CAMTA1: variants seen among roughly 807,000 people sequenced by gnomAD.
CAMTA1 encodes calmodulin binding transcription activator 1.
A neutral mutation model predicts 170.9 loss-of-function variants in CAMTA1; 27 were observed. The ratio of observed to expected loss-of-function variants is 0.16; its 90% CI spans 0.12 to 0.22. CAMTA1 has a LOEUF of 0.22. Ranked by LOEUF, CAMTA1 falls within the 10% of genes least tolerant of loss-of-function variation. CAMTA1 has a pLI of 1.00. For synonymous variants in CAMTA1, 833 were observed against 891.5 expected (o/e 0.93, Z 1.17); for missense variants, 1,619 against 2,217.2 (o/e 0.73, Z 5.42).
chr1:7,214,135 G>A (rs972075763), intron 4 of CAMTA1, among the ~76,000 whole-genome samples: 2 of 152,140 alleles, frequency 1.3e-5, no homozygotes, highest in African/African-American at 4.8e-5. Context: ...GCAATGGGAT[G>A]GGTGGGTCAA....
intron 5 of CAMTA1, among the ~76,000 whole-genome samples, chr1:7,296,871 A>G (rs946743808): frequency 6.6e-6 from 1 of 152,060 alleles, no homozygotes; most frequent in African/African-American, 2.4e-5. Context: ...CCTGACACCT[A>G]AAACATTTAG....
chr1:7,314,666 C>A (rs1436565663), intron 5 of CAMTA1, among the ~76,000 whole-genome samples: 1 of 152,174 alleles, frequency 6.6e-6, no homozygotes, highest in Non-Finnish European at 1.5e-5. Context: ...TTTTAAATCA[C>A]CATGTGACAA....
At chr1:7,016,717 C>A (rs1190111197) in intron 3 of CAMTA1, among the ~76,000 whole-genome samples, 1 of 152,130 alleles carries the variant, frequency 6.6e-6, no homozygotes, top group East Asian at 1.9e-4. Flanking sequence ...CACCTGTAAT[C>A]CCAGCTACAT....
At chr1:6,825,802 C>G (rs1008480673) in intron 3 of CAMTA1, among the ~76,000 whole-genome samples, 6 of 152,118 alleles carry the variant, frequency 3.9e-5, no homozygotes, top group Non-Finnish European at 7.4e-5. Context: ...ATGATGTTTC[C>G]TTTTTTGGTA....
At chr1:7,025,334 C>T (rs904026034) in intron 3 of CAMTA1, among the ~76,000 whole-genome samples, 7 of 152,228 alleles carry the variant, frequency 4.6e-5, no homozygotes, top group African/African-American at 1.7e-4. Flanking sequence ...TGAAGTTGTA[C>T]TGCAGAGAGG....
Position 7,634,676 on chromosome 1 carries a change from G to A in CAMTA1, c.511-5724G>A. ...TCTGTACACAGCAAGAGGAGAGCTGGGACAGGCTGGGGCTGCCGGAGGAGG... is the reference window on the plus strand; with the variant it reads ...TCTGTACACAGCAAGAGGAGAGCTGAGACAGGCTGGGGCTGCCGGAGGAGG... On this transcript the variant is annotated intron_variant, in intron 6 of 22. Transcript: ENST00000303635. This position sits in a 1 kb window ranked among gnomAD's most constrained non-coding sequence, Gnocchi z 6.2. 6.6e-6 allele frequency among the ~76,000 whole-genome samples: 1 copy of A among 152,144 alleles called. No individual in the cohort carries two copies. Among genetic ancestry groups the A allele is most frequent in the East Asian group, 1.9e-4 (1 of 5,170 alleles).
intron 6 of CAMTA1, among the ~76,000 whole-genome samples, chr1:7,529,557 G>A (rs2094468153): frequency 6.6e-6 from 1 of 152,180 alleles, no homozygotes; most frequent in Non-Finnish European, 1.5e-5. Context: ...TGGAAGTGAA[G>A]GATCTAGGAT....
chr1:6,856,611 C>G (rs1662505252), intron 3 of CAMTA1, among the ~76,000 whole-genome samples: 1 of 151,998 alleles, frequency 6.6e-6, no homozygotes, highest in Non-Finnish European at 1.5e-5. Flanking sequence ...AAGATAAAAT[C>G]TTGCTTTCAA....
intron 4 of CAMTA1, among the ~76,000 whole-genome samples, chr1:7,235,052 G>A (rs988649113): frequency 6.6e-6 from 1 of 152,032 alleles, no homozygotes; most frequent in Non-Finnish European, 1.5e-5. Flanking sequence ...CTCCCAAAGT[G>A]CTGGGATTAC....
chr1:7,179,096 TG>T (rs1573685638), intron 4 of CAMTA1, among the ~76,000 whole-genome samples: 1 of 152,226 alleles, frequency 6.6e-6, no homozygotes, highest in East Asian at 1.9e-4. Context: ...TGCCCCTCTG[TG>T]GTCATTGCTT....
intron 6 of CAMTA1, among the ~76,000 whole-genome samples, chr1:7,489,509 G>A (rs1028148778): frequency 4.6e-5 from 7 of 152,174 alleles, no homozygotes; most frequent in Non-Finnish European, 7.3e-5. Flanking sequence ...TCACTCCTTA[G>A]GCATCCATGC....
intron 6 of CAMTA1, among the ~76,000 whole-genome samples, chr1:7,617,625 A>T (rs2095567791): frequency 6.6e-6 from 1 of 152,136 alleles, no homozygotes; most frequent in African/African-American, 2.4e-5. Flanking sequence ...CACCCAGGAA[A>T]GGACACAGCA....
chr1:7,291,312 T>C (rs1040477938), intron 5 of CAMTA1, among the ~76,000 whole-genome samples: 2 of 151,914 alleles, frequency 1.3e-5, no homozygotes, highest in African/African-American at 2.4e-5. Context: ...GAGAGTGCCA[T>C]GTTGTTAGGG....
At chr1:7,376,117 G>C (rs1019673789) in intron 5 of CAMTA1, among the ~76,000 whole-genome samples, 1 of 152,240 alleles carries the variant, frequency 6.6e-6, no homozygotes, top group Non-Finnish European at 1.5e-5. Flanking sequence ...CTTGGGTCTT[G>C]TTTATTTATA....
chr1:7,720,785 GC>G (rs2096644665), intron 11 of CAMTA1, among the ~76,000 whole-genome samples: 1 of 152,198 alleles, frequency 6.6e-6, no homozygotes, highest in African/African-American at 2.4e-5. Flanking sequence ...ACCCAGCCTT[GC>G]TTCCAGAGTC....
At chr1:7,396,607 G>T (rs2089329272) in intron 5 of CAMTA1, among the ~76,000 whole-genome samples, 1 of 152,138 alleles carries the variant, frequency 6.6e-6, no homozygotes, top group South Asian at 2.1e-4. Context: ...ATTTTTTCCA[G>T]TTCAATATGA....
intron 11 of CAMTA1, among the ~76,000 whole-genome samples, chr1:7,686,308 C>T (rs1196934594): frequency 1.3e-5 from 2 of 152,146 alleles, no homozygotes; most frequent in African/African-American, 2.4e-5. Flanking sequence ...AGGGCGGCTG[C>T]TTTATAGGCC....
intron 5 of CAMTA1, among the ~76,000 whole-genome samples, chr1:7,419,861 G>A (rs1209352304): frequency 6.6e-6 from 1 of 151,886 alleles, no homozygotes; most frequent in African/African-American, 2.4e-5. Flanking sequence ...CACCCATCAG[G>A]AGATCCTGCG....
At chr1:7,480,240 TCC>T (rs1486902142) in intron 6 of CAMTA1, among the ~76,000 whole-genome samples, 40 of 112,398 alleles carry the variant, frequency 3.6e-4, no homozygotes, top group African/African-American at 1.7e-3. Flanking sequence ...AGTGCATGTG[TCC>T]GTGTGTGTGC....
Sources: gnomAD v4.1 joint callset for allele counts (sites outside exome capture counted in the v4.1 genomes callset) on GRCh38, gnomAD v4.1.1 for gene constraint, Gnocchi (gnomAD v3.1) non-coding constraint, MANE v1.5 for transcripts, NCBI Gene and HGNC (gene_info 2026-07-23, HGNC 2026-07-21) for gene names.